TCF12: variants seen among roughly 807,000 people sequenced by gnomAD.
The protein encoded by TCF12 is transcription factor 12.
A neutral mutation model predicts 86.0 loss-of-function variants in TCF12; 45 were observed. That is an observed-to-expected ratio of 0.52 (90% CI 0.41 to 0.67). The LOEUF is 0.67. Among genes scored for constraint, TCF12 ranks in the 30% least tolerant of loss-of-function variants. TCF12 has a pLI of 0.00. For synonymous variants in TCF12, 330 were observed against 299.6 expected, an observed-to-expected ratio of 1.10 and a Z score of -1.05; for missense variants, 881 against 859.9, an observed-to-expected ratio of 1.02 and a Z score of -0.31.
chr15:56,942,819 G>C (rs1435528509), intron 3 of TCF12, among the ~76,000 whole-genome samples: 1 of 151,974 alleles, frequency 6.6e-6, no homozygotes, highest in Admixed American at 6.6e-5. Flanking sequence ...GAAATTGTCA[G>C]TTCAGATATG....
chr15:57,086,706 A>G lies in TCF12; in HGVS notation c.223-5083A>G, dbSNP rs1250842914. ...TCAAAGAGCCTCTTTCCCTCCCTTT[A>G]AAAAAAAAAAAAAAAAAAAGGCCAT... On this transcript the variant is annotated intron_variant, in intron 4 of 20. Coordinates refer to ENST00000333725, the MANE Select transcript of TCF12 (RefSeq NM_207037.2). Among the ~76,000 whole-genome samples the G allele has an allele frequency of 5.9e-3, 5 of 844 alleles. No individual in the cohort carries two copies. In the Non-Finnish European group the frequency reaches 0.065, roughly 11 times the overall value. 0.6% of individuals were successfully genotyped at this position (844 alleles called of 152,430 possible).
At chr15:57,017,416 A>G (rs1302265778) in intron 3 of TCF12, among the ~76,000 whole-genome samples, 4 of 152,224 alleles carry the variant, frequency 2.6e-5, no homozygotes, top group East Asian at 1.9e-4. Flanking sequence ...CCGCACCAAT[A>G]TTTATTGGTA....
intron 4 of TCF12, among the ~76,000 whole-genome samples, chr15:57,064,136 T>A (rs2068669669): frequency 6.6e-6 from 1 of 152,202 alleles, no homozygotes; most frequent in Non-Finnish European, 1.5e-5. Context: ...GTTGTTTATT[T>A]GCTTTGAGAG....
intron 13 of TCF12, chr15:57,247,364 C>A (rs2059913091): frequency 1.5e-6 from 1 of 659,338 alleles, no homozygotes; most frequent in Non-Finnish European, 2.8e-6. Context: ...TCTACCACCT[C>A]CAAAGTTTCC....
chr15:57,149,620 A>T (rs1026639958), intron 5 of TCF12, among the ~76,000 whole-genome samples: 1 of 152,226 alleles, frequency 6.6e-6, no homozygotes. Context: ...AAGTTTTTAG[A>T]TTGTCCAAGA....
At chr15:56,966,072 A>G (rs2061987291) in intron 3 of TCF12, among the ~76,000 whole-genome samples, 1 of 152,192 alleles carries the variant, frequency 6.6e-6, no homozygotes, top group Non-Finnish European at 1.5e-5. Flanking sequence ...TAGTCTTATG[A>G]TGAAGGTTGA....
intron 13 of TCF12, among the ~76,000 whole-genome samples, chr15:57,246,571 C>G (rs1017085610): frequency 2.6e-5 from 4 of 151,748 alleles, no homozygotes; most frequent in African/African-American, 7.3e-5. Context: ...AAGACCGTCT[C>G]TCTTTTTTTT....
intron 4 of TCF12, among the ~76,000 whole-genome samples, chr15:57,071,067 T>C (rs2069332066): frequency 6.6e-6 from 1 of 152,140 alleles, no homozygotes; most frequent in South Asian, 2.1e-4. Context: ...GTGTATCTTA[T>C]AGTTCAGGAA....
chr15:57,238,946 G>A (rs1311917515), intron 12 of TCF12, among the ~76,000 whole-genome samples: 2 of 152,192 alleles, frequency 1.3e-5, no homozygotes, highest in Non-Finnish European at 1.5e-5. Flanking sequence ...ACTGAGCTTT[G>A]ATAAGTAGAA....
At chr15:57,040,796 G>A (rs1370344713) in intron 3 of TCF12, among the ~76,000 whole-genome samples, 1 of 152,060 alleles carries the variant, frequency 6.6e-6, no homozygotes, top group East Asian at 1.9e-4. Flanking sequence ...ATTGCATTTA[G>A]GGTAATTAAC....
In TCF12 at chr15:56,938,641, C is replaced by CTT. The variant is rs11071300; in HGVS notation, c.148+17560_148+17561dup. 5.1e-4 allele frequency among the ~76,000 whole-genome samples: 65 copies of CTT among 127,202 alleles called. 1 individual carries two copies. In the South Asian group the frequency reaches 7.3e-3, roughly 14 times the overall value. 83.4% of individuals were successfully genotyped at this position (127,202 alleles called of 152,430 possible). A position where few individuals can be genotyped will look rare whatever the true frequency, so the allele number is the denominator to read the frequency against. ...TGCTGTGAATCTGTCTGGTCCGAGA[C>CTT]TTTTTTTTTTTTTTTTTTAGTGGTA... On this transcript the variant is annotated intron_variant, in intron 3 of 20. Coordinates refer to ENST00000333725, the MANE Select transcript of TCF12 (RefSeq NM_207037.2).
At chr15:57,100,640 G>T (rs2049673680) in intron 5 of TCF12, among the ~76,000 whole-genome samples, 1 of 151,874 alleles carries the variant, frequency 6.6e-6, no homozygotes, top group African/African-American at 2.4e-5. Flanking sequence ...TAAAATAAAT[G>T]GTTTCATATT....
At chr15:57,206,966 C>T (rs539077484) in intron 8 of TCF12, among the ~76,000 whole-genome samples, 6 of 150,026 alleles carry the variant, frequency 4.0e-5, no homozygotes, top group East Asian at 2.0e-4. Context: ...AAAAATTGGT[C>T]GTGGTAGTGT....
At chr15:57,072,640 C>T (rs1252709235) in intron 4 of TCF12, 2 of 1,295,400 alleles carry the variant, frequency 1.5e-6, no homozygotes, top group Non-Finnish European at 2.0e-6. Flanking sequence ...TATTTTATGC[C>T]TCTTGATCTC....
intron 4 of TCF12, among the ~76,000 whole-genome samples, chr15:57,077,031 A>G (rs1035765783): frequency 2.0e-4 from 30 of 152,220 alleles, no homozygotes; most frequent in Non-Finnish European, 4.3e-4. Flanking sequence ...CACCAATACC[A>G]TAACTGTCTT....
At chr15:57,234,021 T>C in intron 11 of TCF12, 22 bp from the exon 12 acceptor site, 1 of 1,607,508 alleles carries the variant, frequency 6.2e-7, no homozygotes, top group Non-Finnish European at 8.5e-7. Context: ...ATTCTTGATT[T>C]ATTTCTCTAT....
intron 8 of TCF12, among the ~76,000 whole-genome samples, chr15:57,221,642 A>G (rs2058602976): frequency 6.6e-6 from 1 of 152,082 alleles, no homozygotes; most frequent in Admixed American, 6.5e-5. Context: ...TGTGCCTAAT[A>G]TAGGTCAAAG....
intron 6 of TCF12, among the ~76,000 whole-genome samples, chr15:57,167,392 C>T (rs2054979620): frequency 6.6e-6 from 1 of 152,088 alleles, no homozygotes; most frequent in Non-Finnish European, 1.5e-5. Flanking sequence ...GAGACCTTGT[C>T]TCTACTTAAA....
intron 13 of TCF12, among the ~76,000 whole-genome samples, chr15:57,249,836 A>G (rs1428968062): frequency 2.0e-5 from 3 of 152,168 alleles, no homozygotes; most frequent in African/African-American, 7.2e-5. Context: ...TTTAGTCTTT[A>G]TTATTTTCTG....
Sources: allele counts gnomAD v4.1 joint callset (sites outside exome capture counted in the v4.1 genomes callset), GRCh38; gene constraint gnomAD v4.1.1; transcripts MANE v1.5; gene names NCBI Gene and HGNC (gene_info 2026-07-23, HGNC 2026-07-21).